Variants in GABBR2 observed in about 807,000 individuals in gnomAD.
The protein encoded by GABBR2 is gamma-aminobutyric acid type B receptor subunit 2.
Under a neutral mutation model 105.6 loss-of-function variants are expected in GABBR2, and 23 were observed. The observed-to-expected ratio is 0.22, with a 90% CI of 0.16 to 0.31. The LOEUF is 0.31. Among genes scored for constraint, GABBR2 ranks in the 10% least tolerant of loss-of-function variants. The probability of loss-of-function intolerance (pLI) is 1.00; values close to 1 mark genes in which losing one functional copy is unlikely to be tolerated. For synonymous variants in GABBR2, 478 were observed against 499.7 expected, an observed-to-expected ratio of 0.96 and a Z score of 0.58; for missense variants, 734 against 1,245.5, an observed-to-expected ratio of 0.59 and a Z score of 6.18.
At chr9:98,340,831 A>G (rs75507337) in intron 13 of GABBR2, among the ~76,000 whole-genome samples, 5,261 of 152,324 alleles carry the variant, frequency 0.035, 175 homozygotes, top group African/African-American at 0.095. Context: ...GATGTGTGGC[A>G]TTGGGTTAAA....
At chr9:98,401,922 G>T (rs184901509) in intron 8 of GABBR2, among the ~76,000 whole-genome samples, 1 of 152,130 alleles carries the variant, frequency 6.6e-6, no homozygotes, top group Admixed American at 6.5e-5. Flanking sequence ...CAGGAAATGC[G>T]CACTGAATAC....
chr9:98,631,864 C>A (rs1829820000), intron 1 of GABBR2, among the ~76,000 whole-genome samples: 1 of 152,188 alleles, frequency 6.6e-6, no homozygotes, highest in Non-Finnish European at 1.5e-5. Flanking sequence ...TAGCAATGAG[C>A]AAACTTGATA....
chr9:98,396,686 G>A (rs1027287549), intron 8 of GABBR2, among the ~76,000 whole-genome samples: 1 of 152,184 alleles, frequency 6.6e-6, no homozygotes, highest in African/African-American at 2.4e-5. Context: ...CTGCTCAGAG[G>A]AGGCCCTGAT....
intron 12 of GABBR2, among the ~76,000 whole-genome samples, chr9:98,370,660 A>C (rs1190418444): frequency 6.6e-6 from 1 of 152,060 alleles, no homozygotes; most frequent in Non-Finnish European, 1.5e-5. Flanking sequence ...ATAACAATAG[A>C]CTCTACATAT....
intron 8 of GABBR2, among the ~76,000 whole-genome samples, chr9:98,400,914 G>A (rs1564052621): frequency 6.6e-6 from 1 of 151,882 alleles, no homozygotes; most frequent in African/African-American, 2.4e-5. Flanking sequence ...AAATAAGGGG[G>A]ATAAATGGAC....
chr9:98,706,304 T>G lies in GABBR2; in HGVS notation c.321+2113A>C, dbSNP rs941575730. The stretch of plus-strand genomic sequence containing the variant: ...TATTCCCACCTAGGCTTAGAGAGAT[T>G]AAATACCCAGCTCAAGGTCATCCAG... On this transcript the variant is annotated intron_variant, in intron 1 of 18. Transcript: ENST00000259455. Among the ~76,000 whole-genome samples, 3 of 152,046 alleles carry G rather than the reference T, an allele frequency of 2.0e-5. No individual in the cohort carries two copies. The East Asian group carries it at 5.8e-4, about 29-fold the overall frequency.
At chr9:98,499,713 A>G (rs1827363075) in intron 3 of GABBR2, among the ~76,000 whole-genome samples, 2 of 152,248 alleles carry the variant, frequency 1.3e-5, no homozygotes. Flanking sequence ...AAGAAAATTT[A>G]TAAATGCCTA....
At chr9:98,368,626 T>C (rs528976778) in intron 12 of GABBR2, among the ~76,000 whole-genome samples, 144 of 152,382 alleles carry the variant, frequency 9.4e-4, no homozygotes, top group Non-Finnish European at 1.9e-3. Context: ...GTGTTCTTGC[T>C]TGGCAGTCAT....
At position 98,452,092 on chromosome 9, in the gene GABBR2, C is replaced by T. The variant is rs192800068; in HGVS notation, c.1236+1889G>A. Among the ~76,000 whole-genome samples the T allele has an allele frequency of 2.2e-3, 341 of 152,344 alleles. 3 individuals carry two copies. Among genetic ancestry groups the T allele is most frequent in the African/African-American group, 7.6e-3 (317 of 41,576 alleles). On this transcript the variant is annotated intron_variant, in intron 7 of 18. Transcript: ENST00000259455. ...TGCATGTGAGCCACAGGCTCTAGGACAGGGAGCCCATCTTACCTTGGCATC... is the reference window on the plus strand; with the variant it reads ...TGCATGTGAGCCACAGGCTCTAGGATAGGGAGCCCATCTTACCTTGGCATC...
intron 1 of GABBR2, among the ~76,000 whole-genome samples, chr9:98,694,028 G>C (rs1419341154): frequency 1.3e-5 from 2 of 149,648 alleles, no homozygotes; most frequent in Admixed American, 1.3e-4. Context: ...ACACTGCCTG[G>C]CCCAGAACCC....
chr9:98,618,928 CT>C (rs1465584085), intron 1 of GABBR2, among the ~76,000 whole-genome samples: 9 of 152,138 alleles, frequency 5.9e-5, no homozygotes, highest in African/African-American at 2.2e-4. Context: ...AAACTGACAG[CT>C]TTAGTTTAGG....
intron 3 of GABBR2, among the ~76,000 whole-genome samples, chr9:98,521,169 TA>T (rs983586030): frequency 6.6e-6 from 1 of 152,058 alleles, no homozygotes; most frequent in Admixed American, 6.5e-5. Flanking sequence ...AATATAAAAA[TA>T]GGGGGGAATC....
chr9:98,445,583 G>T (rs1056154720), intron 7 of GABBR2, among the ~76,000 whole-genome samples: 1 of 152,246 alleles, frequency 6.6e-6, no homozygotes, highest in South Asian at 2.1e-4. Flanking sequence ...AAGAGGCCAT[G>T]CTCAGATGTG....
chr9:98,600,315 A>G (rs1829307594), intron 1 of GABBR2, among the ~76,000 whole-genome samples: 1 of 152,094 alleles, frequency 6.6e-6, no homozygotes, highest in African/African-American at 2.4e-5. Flanking sequence ...GAGTATTTCT[A>G]GCTGACCTCC....
chr9:98,465,556 G>A (rs936162695), intron 6 of GABBR2, among the ~76,000 whole-genome samples: 2 of 152,212 alleles, frequency 1.3e-5, no homozygotes, highest in Non-Finnish European at 2.9e-5. Context: ...GAAGGAGGCT[G>A]TGTATAAATT....
intron 1 of GABBR2, among the ~76,000 whole-genome samples, chr9:98,698,635 G>C (rs1290744480): frequency 1.3e-5 from 2 of 152,072 alleles, no homozygotes; most frequent in South Asian, 4.1e-4. Context: ...GAGTAGCTGG[G>C]ATTACAGGTG....
At position 98,399,567 on chromosome 9, in the gene GABBR2, C is replaced by G. The variant is rs148683582; in HGVS notation, c.1298-5312G>C. 1.2e-3 allele frequency among the ~76,000 whole-genome samples: 178 copies of G among 152,262 alleles called. No homozygotes were observed. In the East Asian group the frequency reaches 0.023, roughly 20 times the overall value. On this transcript the variant is annotated intron_variant, in intron 8 of 18. Transcript: ENST00000259455. Reference sequence around the variant, plus strand: ...AGGGCAAGGATTGCATCTTACCCTACTCAGCCCCACCAACCCCCATACCCA... The same window carrying G: ...AGGGCAAGGATTGCATCTTACCCTAGTCAGCCCCACCAACCCCCATACCCA...
intron 3 of GABBR2, among the ~76,000 whole-genome samples, chr9:98,507,437 C>A (rs149121262): frequency 6.6e-6 from 1 of 152,134 alleles, no homozygotes; most frequent in Non-Finnish European, 1.5e-5. Flanking sequence ...CGGGCAGCAT[C>A]TAGAAGGTGG....
intron 13 of GABBR2, among the ~76,000 whole-genome samples, chr9:98,361,377 T>C (rs1363195734): frequency 8.3e-6 from 1 of 121,014 alleles, no homozygotes; most frequent in Non-Finnish European, 1.6e-5. Flanking sequence ...TCATCATCGC[T>C]CTTATCATCG....
Sources: gnomAD v4.1 joint callset for allele counts (sites outside exome capture counted in the v4.1 genomes callset) on GRCh38, gnomAD v4.1.1 for gene constraint, MANE v1.5 for transcripts, NCBI Gene and HGNC (gene_info 2026-07-23, HGNC 2026-07-21) for gene names.